The following CCDC144A variants were observed in gnomAD, a reference collection of about 807,000 sequenced individuals.
The protein encoded by CCDC144A is coiled-coil domain-containing protein 144A.
A neutral mutation model predicts 143.8 loss-of-function variants in CCDC144A; 41 were observed. The ratio of observed to expected loss-of-function variants is 0.29; its 90% CI spans 0.22 to 0.37. CCDC144A has a LOEUF of 0.37. Ranked by LOEUF, CCDC144A falls within the 10% of genes least tolerant of loss-of-function variation. The pLI, the probability that CCDC144A is intolerant of heterozygous loss-of-function variation, is 1.00. For synonymous variants in CCDC144A, 242 were observed against 517.9 expected (o/e 0.47, Z 7.23); for missense variants, 637 against 1,488.8 (o/e 0.43, Z 9.41).
rs572673749 is a variant in CCDC144A, at chr17:16,744,479, A to C, written c.3372+8836A>C. On this transcript the variant is annotated intron_variant, in intron 12 of 16. Coordinates refer to ENST00000399273, the MANE Select transcript of CCDC144A (RefSeq NM_001382000.1). ...GATCAGTGATGATGAGCATTTTTTC[A>C]TATGTTTGCTCTCCACTTTTATGTC... Among the ~76,000 whole-genome samples, 7 of 144,316 alleles carry C rather than the reference A, an allele frequency of 4.9e-5. No homozygotes were observed. The South Asian group carries it at 1.1e-3, about 22-fold the overall frequency. 94.7% of individuals were successfully genotyped at this position (144,316 alleles called of 152,430 possible). A position where few individuals can be genotyped will look rare whatever the true frequency, so the allele number is the denominator to read the frequency against.
chr17:16,685,937 A>ATTT (rs35158544), upstream of CCDC144A, among the ~76,000 whole-genome samples: 1 of 124,196 alleles, frequency 8.1e-6, no homozygotes, highest in African/African-American at 3.0e-5. Flanking sequence ...ACATCTGGCT[A>ATTT]TTTTTTTTTT....
chr17:16,771,380 T>G (rs866204213), intron 15 of CCDC144A, among the ~76,000 whole-genome samples: 30 of 152,260 alleles, frequency 2.0e-4, no homozygotes, highest in African/African-American at 6.5e-4. Flanking sequence ...TTCTGAAATC[T>G]TTGTGTCCGT....
At chr17:16,737,336 T>G (rs1914066885) in intron 12 of CCDC144A, among the ~76,000 whole-genome samples, 1 of 151,222 alleles carries the variant, frequency 6.6e-6, no homozygotes, top group African/African-American at 2.4e-5. Context: ...CCGGCTAATT[T>G]TTTGTATTTT....
chr17:16,746,451 T>C, intron 12 of CCDC144A: 1 of 1,612,776 alleles, frequency 6.2e-7, no homozygotes, highest in Non-Finnish European at 8.5e-7. Flanking sequence ...AGCTCTCTTG[T>C]CTTCGCCTCC....
At chr17:16,729,368 G>T (rs181793749) in intron 9 of CCDC144A, among the ~76,000 whole-genome samples, 108 of 152,252 alleles carry the variant, frequency 7.1e-4, no homozygotes, top group African/African-American at 2.5e-3. Context: ...AAATATGTTT[G>T]TTGGCCATTT....
intron 12 of CCDC144A, among the ~76,000 whole-genome samples, chr17:16,754,767 C>T (rs546917235): frequency 2.7e-4 from 41 of 152,320 alleles, no homozygotes; most frequent in African/African-American, 6.3e-4. Flanking sequence ...AGGTTCATTT[C>T]GATGTTTCTT....
At chr17:16,749,646 A>G (rs1489420973) in intron 12 of CCDC144A, among the ~76,000 whole-genome samples, 3 of 152,164 alleles carry the variant, frequency 2.0e-5, no homozygotes, top group Non-Finnish European at 2.9e-5. Flanking sequence ...GTTCTTTGTT[A>G]GTTTTTTGTC....
Position 16,726,402 on chromosome 17 carries a change from T to TA in CCDC144A, c.1892-1115dup, listed in dbSNP as rs201722672. ...TCTCAAAAAAAAAAAAAAAGAGAGA[T>TA]AAAAAAAAAAGAAAAATCTTCCATG... is the stretch of plus-strand genomic sequence containing the variant. On this transcript the variant is annotated intron_variant, in intron 8 of 16. Coordinates refer to ENST00000399273, the MANE Select transcript of CCDC144A (RefSeq NM_001382000.1). Among the ~76,000 whole-genome samples the TA allele has an allele frequency of 4.0e-4, 55 of 138,588 alleles. 2 individuals are homozygous for TA. The highest frequency in any genetic ancestry group is 7.6e-4 in the African/African-American group (26 of 34,274). 90.9% of individuals were successfully genotyped at this position (138,588 alleles called of 152,430 possible).
At chr17:16,695,753 G>C (rs1403392157) in intron 2 of CCDC144A, among the ~76,000 whole-genome samples, 1 of 151,806 alleles carries the variant, frequency 6.6e-6, no homozygotes, top group Non-Finnish European at 1.5e-5. Context: ...ATATGTGCCA[G>C]ACACTTTATG....
At chr17:16,681,282 C>T in the CCDC144A span, among the ~76,000 whole-genome samples, 2 of 152,018 alleles carry the variant, frequency 1.3e-5, no homozygotes, top group East Asian at 3.8e-4. Context: ...GAAATCTATA[C>T]TAACACAGCT....
the CCDC144A span, chr17:16,683,973 G>A: frequency 9.2e-7 from 1 of 1,088,122 alleles, no homozygotes; most frequent in East Asian, 2.3e-5. Flanking sequence ...TTAACTGTAG[G>A]CATTAGACTT....
chr17:16,769,581 A>C (rs1210956613), intron 15 of CCDC144A, among the ~76,000 whole-genome samples: 5 of 152,156 alleles, frequency 3.3e-5, no homozygotes, highest in African/African-American at 1.2e-4. Flanking sequence ...CTTTTAAGGA[A>C]CAGTTTTCTT....
the CCDC144A span, chr17:16,683,409 A>C: frequency 2.2e-6 from 2 of 900,948 alleles, no homozygotes; most frequent in Non-Finnish European, 3.4e-6. Flanking sequence ...TTGGGAGTCA[A>C]AATGCTTCCT....
chr17:16,722,536 A>ATAG (rs1329874058), intron 8 of CCDC144A, among the ~76,000 whole-genome samples: 1 of 151,870 alleles, frequency 6.6e-6, no homozygotes, highest in Non-Finnish European at 1.5e-5. Context: ...TCCAAAGTCC[A>ATAG]TAGTTTATAT....
the CCDC144A span, among the ~76,000 whole-genome samples, chr17:16,672,911 A>C: frequency 2.6e-5 from 4 of 152,140 alleles, no homozygotes; most frequent in African/African-American, 9.6e-5. Context: ...CAATACAAAA[A>C]ATGGCCTAAC....
intron 15 of CCDC144A, among the ~76,000 whole-genome samples, chr17:16,769,922 G>A (rs1915758600): frequency 6.6e-6 from 1 of 151,730 alleles, no homozygotes; most frequent in Admixed American, 6.6e-5. Flanking sequence ...CTGCCTGCCG[G>A]GTTCAAGCGA....
At chr17:16,725,406 G>A (rs1172030509) in intron 8 of CCDC144A, among the ~76,000 whole-genome samples, 2 of 150,958 alleles carry the variant, frequency 1.3e-5, no homozygotes, top group Admixed American at 6.6e-5. Context: ...GCTTATTAGC[G>A]ATAACTATTT....
chr17:16,704,277 A>C (rs1430026456), intron 2 of CCDC144A, among the ~76,000 whole-genome samples: 1 of 151,634 alleles, frequency 6.6e-6, no homozygotes, highest in East Asian at 1.9e-4. Flanking sequence ...ACGCGGTGAA[A>C]CCCCGTCTCT....
chr17:16,673,682 G>A, the CCDC144A span, among the ~76,000 whole-genome samples: 431 of 152,100 alleles, frequency 2.8e-3, no homozygotes, highest in African/African-American at 1.0e-2. Flanking sequence ...CACCACGCCC[G>A]GCCTATCTTC....
Sources: allele counts gnomAD v4.1 joint callset (sites outside exome capture counted in the v4.1 genomes callset), GRCh38; gene constraint gnomAD v4.1.1; transcripts MANE v1.5; gene names NCBI Gene and HGNC (gene_info 2026-07-23, HGNC 2026-07-21).